Variants in GRAMD1C observed in about 807,000 individuals in gnomAD.
The protein encoded by GRAMD1C is GRAM domain containing 1C, also known as protein Aster-C.
Under a neutral mutation model 97.8 loss-of-function variants are expected in GRAMD1C, and 89 were observed. That is an observed-to-expected ratio of 0.91 (90% confidence interval 0.77 to 1.09). The LOEUF is 1.09. Ranked by LOEUF, GRAMD1C falls within the 50% of genes least tolerant of loss-of-function variation. The pLI, the probability that GRAMD1C is intolerant of heterozygous loss-of-function variation, is 0.00. For missense variants in GRAMD1C, 740 were observed against 766.4 expected (o/e 0.97, Z 0.41); for synonymous variants, 256 against 267.0 (o/e 0.96, Z 0.40).
At chr3:113,829,117 C>A (rs1320631220) in intron 1 of GRAMD1C, among the ~76,000 whole-genome samples, 1 of 152,126 alleles carries the variant, frequency 6.6e-6, no homozygotes, top group Non-Finnish European at 1.5e-5. Context: ...ACTTAGCGTA[C>A]TTGCCTGGTA....
intron 10 of GRAMD1C, among the ~76,000 whole-genome samples, chr3:113,924,470 T>G (rs1937166387): frequency 6.6e-6 from 1 of 152,210 alleles, no homozygotes; most frequent in Admixed American, 6.5e-5. Flanking sequence ...ATTTTCTGTC[T>G]TTGTTCTCAT....
At chr3:113,836,277 CA>C (rs1709630863), upstream of GRAMD1C, among the ~76,000 whole-genome samples, 1 of 152,010 alleles carries the variant, frequency 6.6e-6, no homozygotes, top group Non-Finnish European at 1.5e-5. Context: ...AAAACAAAAA[CA>C]AAACAAAACA....
chr3:113,896,922 G>C (rs551737279), intron 6 of GRAMD1C, among the ~76,000 whole-genome samples: 2 of 152,280 alleles, frequency 1.3e-5, no homozygotes, highest in Admixed American at 1.3e-4. Flanking sequence ...AAACTGTACT[G>C]TCTATTATAG....
chr3:113,935,634 C>T (rs1371205731), intron 13 of GRAMD1C, among the ~76,000 whole-genome samples: 1 of 151,424 alleles, frequency 6.6e-6, no homozygotes, highest in Admixed American at 6.6e-5. Flanking sequence ...TAATTTAAGG[C>T]TTATCATCTA....
At chr3:113,877,538 T>C (rs917409061) in intron 5 of GRAMD1C, among the ~76,000 whole-genome samples, 3 of 152,228 alleles carry the variant, frequency 2.0e-5, no homozygotes, top group Non-Finnish European at 2.9e-5. Flanking sequence ...GTCAGTTATT[T>C]TGTAGGATAT....
rs1402528136 is a variant in GRAMD1C, at chr3:113,844,438, C to CT, written c.28-59dup. On this transcript the variant is annotated intron_variant, in intron 1 of 17. Coordinates refer to ENST00000358160, the MANE Select transcript of GRAMD1C (RefSeq NM_017577.5). ...TTAATGTATATGTTGTGAACATTAACTTTTTTCTTTTTAAAATGGCCATTT... is the reference window on the plus strand; with the variant it reads ...TTAATGTATATGTTGTGAACATTAACTTTTTTTCTTTTTAAAATGGCCATTT... 5 of 1,109,104 alleles carry CT rather than the reference C, an allele frequency of 4.5e-6. No individual in the cohort carries two copies. The African/African-American group carries it at 6.3e-5, about 14-fold the overall frequency. The allele number at this position is 1,109,104 out of a possible 1,614,324, so 68.7% of individuals were successfully genotyped here. A position where few individuals can be genotyped will look rare whatever the true frequency, so the allele number is the denominator to read the frequency against.
chr3:113,925,184 G>A (rs1937191801), intron 10 of GRAMD1C, among the ~76,000 whole-genome samples: 1 of 152,118 alleles, frequency 6.6e-6, no homozygotes, highest in Non-Finnish European at 1.5e-5. Context: ...TGTGAGATGG[G>A]TCTCCTAAAG....
At chr3:113,837,565 A>C (rs1365836873), upstream of GRAMD1C, among the ~76,000 whole-genome samples, 2 of 152,182 alleles carry the variant, frequency 1.3e-5, no homozygotes, top group Non-Finnish European at 2.9e-5. Context: ...GGTACATAAA[A>C]AAATTTTCTG....
In GRAMD1C at chr3:113,904,276, A is replaced by G. The variant is rs201881349; in HGVS notation, c.789+4A>G. ...CGATGGAAATTCATCAAAAGGAGTT[A>G]GTATATGATATCCCTTTTAAAATAT... On this transcript the variant is annotated splice_donor_region_variant and intron_variant, in intron 8 of 17. Transcript: ENST00000358160. 7.6e-6 allele frequency: 12 copies of G among 1,580,336 alleles called. No individual in the cohort carries two copies. In the East Asian group the frequency reaches 2.7e-4, roughly 35 times the overall value.
Position 113,933,037 on chromosome 3 carries a change from G to A in GRAMD1C, c.1210-474G>A, listed in dbSNP as rs148967035. ...GTAGCTGGGATTACAGGCATGTGCC[G>A]CCACTCCTGGCTAATTTTTGTATTT... is the stretch of plus-strand genomic sequence containing the variant. On this transcript the variant is annotated intron_variant, in intron 11 of 17. Coordinates refer to ENST00000358160, the MANE Select transcript of GRAMD1C (RefSeq NM_017577.5). Among the ~76,000 whole-genome samples the A allele has an allele frequency of 8.4e-3, 1,280 of 151,894 alleles. 13 individuals are homozygous for A. The highest frequency in any genetic ancestry group is 0.03 in the African/African-American group (1,234 of 41,450).
intron 9 of GRAMD1C, among the ~76,000 whole-genome samples, chr3:113,915,270 T>C (rs1279976298): frequency 6.6e-6 from 1 of 152,214 alleles, no homozygotes; most frequent in East Asian, 1.9e-4. Context: ...ATTATAGCCA[T>C]TGATAAATTA....
chr3:113,940,017 C>T, intron 16 of GRAMD1C, 21 bp downstream of exon 16: 1 of 1,197,516 alleles, frequency 8.4e-7, no homozygotes, highest in Non-Finnish European at 1.2e-6. Flanking sequence ...TTCCCCCTGA[C>T]CTGTATTCAC....
At position 113,876,246 on chromosome 3, in the gene GRAMD1C, A is replaced by G. The variant is rs1294741472; in HGVS notation, c.445A>G (p.Thr149Ala). 6 of 1,577,498 alleles carry G rather than the reference A, an allele frequency of 3.8e-6. No individual in the cohort carries two copies. In the South Asian group the frequency reaches 4.5e-5, roughly 12 times the overall value. ...CATCCCAAACGCTATCCAGATAGTT[A>G]CAGAAAGTGAAAAGGTGAAAACTTT... is the stretch of plus-strand genomic sequence containing the variant. ...RLIPNAIQIV[T>A]ESEKFFFTSF... The change falls in exon 5 of 18, where the codon ACA becomes GCA. Residue 149 changes from threonine to alanine, a missense_variant. Physicochemically the swap from Thr to Ala is moderately conservative, Grantham distance 58 (BLOSUM62 0). Transcript: ENST00000358160.
At chr3:113,915,887 A>T (rs764441911) in intron 10 of GRAMD1C, 49 bp downstream of exon 10, 1 of 1,370,822 alleles carries the variant, frequency 7.3e-7, no homozygotes, top group Non-Finnish European at 1.0e-6. Flanking sequence ...GAATGCTATT[A>T]TTCTTAGAAT....
chr3:113,893,221 T>TA (rs528976449), intron 6 of GRAMD1C, among the ~76,000 whole-genome samples: 17 of 151,242 alleles, frequency 1.1e-4, no homozygotes, highest in South Asian at 4.2e-4. Flanking sequence ...TATCTTTTTT[T>TA]AAAAAAAAAT....
intron 5 of GRAMD1C, among the ~76,000 whole-genome samples, chr3:113,880,218 AAAACT>A (rs1477901062): frequency 1.3e-5 from 2 of 152,166 alleles, no homozygotes; most frequent in Non-Finnish European, 2.9e-5. Flanking sequence ...AAACAGTTTC[AAAACT>A]AACATCTTCA....
At chr3:113,848,011 T>C (rs980659462) in intron 2 of GRAMD1C, among the ~76,000 whole-genome samples, 1 of 152,230 alleles carries the variant, frequency 6.6e-6, no homozygotes, top group Non-Finnish European at 1.5e-5. Context: ...TGGATAACTT[T>C]AAAAAGTATT....
In GRAMD1C at chr3:113,904,289, C is replaced by T. The variant is rs778657971; in HGVS notation, c.789+17C>T. On this transcript the variant is annotated intron_variant, in intron 8 of 17. Coordinates refer to ENST00000358160, the MANE Select transcript of GRAMD1C (RefSeq NM_017577.5). Reference sequence around the variant, plus strand: ...TCAAAAGGAGTTAGTATATGATATCCCTTTTAAAATATATCTGGTACTGTC... The same window carrying T: ...TCAAAAGGAGTTAGTATATGATATCTCTTTTAAAATATATCTGGTACTGTC... 5 of 1,540,456 alleles carry T rather than the reference C, an allele frequency of 3.2e-6. No homozygotes were observed. The highest frequency in any genetic ancestry group is 4.5e-6 in the Non-Finnish European group (5 of 1,113,548).
intron 6 of GRAMD1C, chr3:113,897,617 A>T: frequency 1.0e-6 from 1 of 983,896 alleles, no homozygotes; most frequent in Non-Finnish European, 1.2e-6. Context: ...TGAAGCAGTG[A>T]TTATTTTTAC....
Sources: allele counts gnomAD v4.1 joint callset (sites outside exome capture counted in the v4.1 genomes callset), GRCh38; gene constraint gnomAD v4.1.1; transcripts MANE v1.5; gene names NCBI Gene and HGNC (gene_info 2026-07-23, HGNC 2026-07-21).